The following DNAAF4 variants were observed in gnomAD, a reference collection of about 807,000 sequenced individuals.
DNAAF4 encodes dynein axonemal assembly factor 4, also known as dynein assembly factor 4, axonemal.
DNAAF4 carries 43 observed loss-of-function variants against 51.8 expected under a neutral mutation model. The observed-to-expected ratio is 0.83, with a 90% CI of 0.65 to 1.07. DNAAF4 has a LOEUF of 1.07. DNAAF4 is among the 50% of genes least tolerant of loss of function. DNAAF4 has a pLI of 0.00. For synonymous variants in DNAAF4, 194 were observed against 165.6 expected (o/e 1.17, Z -1.32); for missense variants, 581 against 493.0 (o/e 1.18, Z -1.69).
At chr15:55,503,095 C>A (rs2058708194) in intron 1 of DNAAF4, among the ~76,000 whole-genome samples, 1 of 151,904 alleles carries the variant, frequency 6.6e-6, no homozygotes, top group South Asian at 2.1e-4. Context: ...AACGGGATAT[C>A]ACCACCGATA....
chr15:55,443,754 T>C (rs2057753110), intron 6 of DNAAF4, among the ~76,000 whole-genome samples: 1 of 152,200 alleles, frequency 6.6e-6, no homozygotes, highest in South Asian at 2.1e-4. Context: ...TGGTGTGAGA[T>C]GGTATCTCAT....
intron 3 of DNAAF4, among the ~76,000 whole-genome samples, chr15:55,492,485 T>C (rs2058588373): frequency 6.6e-6 from 1 of 152,064 alleles, no homozygotes; most frequent in Admixed American, 6.6e-5. Flanking sequence ...TATACAGGTC[T>C]ACAAAGAAAC....
At chr15:55,498,113 G>C (rs544330870) in intron 2 of DNAAF4, 94 bp downstream of exon 2, 133 of 1,585,390 alleles carry the variant, frequency 8.4e-5, no homozygotes, top group Non-Finnish European at 1.1e-4. Context: ...ACGTTTATCG[G>C]CAAAGATGAG....
intron 1 of DNAAF4, among the ~76,000 whole-genome samples, chr15:55,501,052 G>A (rs2058694789): frequency 6.6e-6 from 1 of 151,096 alleles, no homozygotes; most frequent in South Asian, 2.1e-4. Context: ...TGATATTGGA[G>A]TAAGAAAGGA....
At chr15:55,458,893 T>C (rs1281772499) in intron 5 of DNAAF4, among the ~76,000 whole-genome samples, 3 of 151,996 alleles carry the variant, frequency 2.0e-5, no homozygotes, top group African/African-American at 4.8e-5. Context: ...CCAACCAAGA[T>C]GGTGAAACAC....
At chr15:55,485,057 C>T (rs1422908372) in intron 4 of DNAAF4, among the ~76,000 whole-genome samples, 1 of 152,174 alleles carries the variant, frequency 6.6e-6, no homozygotes, top group East Asian at 1.9e-4. Flanking sequence ...ACATCATGTT[C>T]ACAGCAGCAT....
chr15:55,444,617 A>G (rs1255211723), intron 6 of DNAAF4, among the ~76,000 whole-genome samples: 3 of 152,158 alleles, frequency 2.0e-5, no homozygotes, highest in Non-Finnish European at 4.4e-5. Context: ...ATGGCATTGA[A>G]TCTATAAATT....
downstream of DNAAF4, among the ~76,000 whole-genome samples, chr15:55,428,484 CTTTTTTTTTTTTTT>C (rs747325376): frequency 1.9e-4 from 16 of 85,012 alleles, no homozygotes; most frequent in East Asian, 1.3e-3. Flanking sequence ...TCTTTTTTTT[CTTTTTTTTTTTTTT>C]TTTTTTTTTT....
intron 4 of DNAAF4, 147 bp downstream of exon 4, chr15:55,490,976 T>A: frequency 1.2e-6 from 1 of 867,980 alleles, no homozygotes; most frequent in Non-Finnish European, 1.7e-6. Flanking sequence ...AACACACATA[T>A]AAATAGCAGA....
intron 4 of DNAAF4, among the ~76,000 whole-genome samples, chr15:55,483,241 T>G (rs2058436512): frequency 6.6e-6 from 1 of 151,896 alleles, no homozygotes; most frequent in East Asian, 1.9e-4. Flanking sequence ...GGACTACAGA[T>G]GCACACCACC....
In DNAAF4 at chr15:55,436,534, G is replaced by A. The variant is rs544722973; in HGVS notation, c.894-1476C>T. Among the ~76,000 whole-genome samples, 18 of 152,004 alleles carry A rather than the reference G, an allele frequency of 1.2e-4. No individual in the cohort carries two copies. The South Asian group carries it at 3.5e-3, about 30-fold the overall frequency. ...AGATTAGCTGGGATTACAGGTGTGC[G>A]CCACAATGCCTGACTAGTTTTTGTA... is the stretch of plus-strand genomic sequence containing the variant. On this transcript the variant is annotated intron_variant, in intron 7 of 9. Coordinates refer to ENST00000321149, the MANE Select transcript of DNAAF4 (RefSeq NM_130810.4).
chr15:55,438,425 T>C (rs1301284882), intron 7 of DNAAF4, among the ~76,000 whole-genome samples: 1 of 151,742 alleles, frequency 6.6e-6, no homozygotes, highest in Non-Finnish European at 1.5e-5. Flanking sequence ...TGGGATAATA[T>C]GGTAATCTTT....
chr15:55,455,479 T>C (rs1436921682), intron 5 of DNAAF4, among the ~76,000 whole-genome samples: 3 of 151,440 alleles, frequency 2.0e-5, no homozygotes, highest in African/African-American at 7.3e-5. Context: ...TCACCCACAC[T>C]GGAATGCAGT....
intron 7 of DNAAF4, among the ~76,000 whole-genome samples, chr15:55,420,110 GAC>G (rs1157271489): frequency 6.6e-6 from 1 of 152,304 alleles, no homozygotes; most frequent in East Asian, 1.9e-4. Flanking sequence ...CTTTCAGACA[GAC>G]ACAGAATTGC....
intron 7 of DNAAF4, among the ~76,000 whole-genome samples, chr15:55,422,863 G>A (rs1566994874): frequency 6.6e-6 from 1 of 152,090 alleles, no homozygotes; most frequent in Non-Finnish European, 1.5e-5. Flanking sequence ...CAGGTGTGAT[G>A]GTGGAAGCCT....
chr15:55,469,189 G>A (rs1045551900), intron 4 of DNAAF4, among the ~76,000 whole-genome samples: 2 of 151,834 alleles, frequency 1.3e-5, no homozygotes, highest in Non-Finnish European at 2.9e-5. Context: ...AAATTTAGCC[G>A]GGCTTGGTGG....
chr15:55,441,527 T>C (rs1015994221), intron 6 of DNAAF4, among the ~76,000 whole-genome samples: 17 of 152,188 alleles, frequency 1.1e-4, no homozygotes, highest in South Asian at 6.2e-4. Flanking sequence ...ACTCGTCATT[T>C]ACATTAGGTG....
intron 6 of DNAAF4, among the ~76,000 whole-genome samples, chr15:55,442,319 G>A (rs370840877): frequency 5.3e-5 from 8 of 152,154 alleles, no homozygotes; most frequent in South Asian, 2.1e-4. Flanking sequence ...GGGTTTCATC[G>A]TGTTGTCCAG....
At chr15:55,459,613 T>C (rs1265144380) in intron 5 of DNAAF4, among the ~76,000 whole-genome samples, 1 of 152,088 alleles carries the variant, frequency 6.6e-6, no homozygotes, top group African/African-American at 2.4e-5. Context: ...TTGCCTAACA[T>C]ATAAGGACTC....
Sources: gnomAD v4.1 joint callset for allele counts (sites outside exome capture counted in the v4.1 genomes callset) on GRCh38, gnomAD v4.1.1 for gene constraint, MANE v1.5 for transcripts, NCBI Gene and HGNC (gene_info 2026-07-23, HGNC 2026-07-21) for gene names.